Variants in KLF12 observed in about 807,000 individuals in gnomAD.
KLF12 encodes the protein Krueppel-like factor 12.
In KLF12, 9 loss-of-function variants were observed where a neutral mutation model predicts 37.8. That is an observed-to-expected ratio of 0.24 (90% CI 0.14 to 0.42). The LOEUF (loss-of-function observed/expected upper bound fraction) is 0.42, where lower values mean the gene tolerates loss of function less well. KLF12 is among the 10% of genes least tolerant of loss of function. KLF12 has a pLI of 1.00. For missense variants in KLF12, 411 were observed against 516.0 expected, an observed-to-expected ratio of 0.80 and a Z score of 1.97; for synonymous variants, 208 against 202.1, an observed-to-expected ratio of 1.03 and a Z score of -0.25.
At chr13:73,757,813 C>G (rs1879273513) in intron 6 of KLF12, among the ~76,000 whole-genome samples, 1 of 151,996 alleles carries the variant, frequency 6.6e-6, no homozygotes. Flanking sequence ...TTTTTTCAGC[C>G]CAAATATATC....
rs1189515577 is a variant in KLF12 at position 73,850,134 on chromosome 13, A to C, written c.124-3761T>G. Among the ~76,000 whole-genome samples the C allele has an allele frequency of 3.9e-5, 6 of 152,212 alleles. No individual in the cohort carries two copies. The East Asian group carries it at 1.2e-3, about 29-fold the overall frequency. On this transcript the variant is annotated intron_variant, in intron 3 of 7. Transcript: ENST00000377669. ...TGGAACAATATACTTCATTAAAAACAATGTGTGTGAAAACCTAAAGATAAA... is the reference window on the plus strand; with the variant it reads ...TGGAACAATATACTTCATTAAAAACCATGTGTGTGAAAACCTAAAGATAAA...
chr13:74,217,100 T>C, the KLF12 span, among the ~76,000 whole-genome samples: 2 of 152,188 alleles, frequency 1.3e-5, no homozygotes, highest in Admixed American at 1.3e-4. Flanking sequence ...AAAACTCAAA[T>C]CATAAATTTC....
chr13:74,238,807 T>G, the KLF12 span, among the ~76,000 whole-genome samples: 1 of 152,166 alleles, frequency 6.6e-6, no homozygotes, highest in Non-Finnish European at 1.5e-5. Flanking sequence ...CATTTTTTAT[T>G]GCGTCTACTT....
the KLF12 span, among the ~76,000 whole-genome samples, chr13:74,146,041 T>C: frequency 1.3e-5 from 2 of 152,244 alleles, no homozygotes; most frequent in African/African-American, 4.8e-5. Flanking sequence ...ACCTTGGAAT[T>C]TTGTCAAAGC....
At chr13:73,818,697 C>T (rs1000321209) in intron 4 of KLF12, among the ~76,000 whole-genome samples, 1 of 152,224 alleles carries the variant, frequency 6.6e-6, no homozygotes, top group African/African-American at 2.4e-5. Flanking sequence ...CTAACATTTC[C>T]TAACAGGAAT....
intron 5 of KLF12, among the ~76,000 whole-genome samples, chr13:73,808,300 A>G (rs1042434420): frequency 3.9e-5 from 6 of 152,074 alleles, no homozygotes; most frequent in African/African-American, 1.4e-4. Flanking sequence ...TACAATTGAA[A>G]TAGAAAAAAC....
chr13:73,986,672 G>C (rs559979384), intron 2 of KLF12, among the ~76,000 whole-genome samples: 47 of 152,266 alleles, frequency 3.1e-4, no homozygotes, highest in African/African-American at 1.1e-3. Flanking sequence ...GGATTATCTA[G>C]GATAGGCCAA....
At chr13:73,871,682 C>T (rs1886473812) in intron 3 of KLF12, among the ~76,000 whole-genome samples, 1 of 152,208 alleles carries the variant, frequency 6.6e-6, no homozygotes, top group African/African-American at 2.4e-5. Flanking sequence ...TCACACCCAA[C>T]TATTTCCTAA....
In KLF12 at chr13:74,133,759, A is replaced by T. The variant is rs575290850; in HGVS notation, c.-52T>A. Among the ~76,000 whole-genome samples, 34 of 151,282 alleles carry T rather than the reference A, an allele frequency of 2.2e-4. No individual in the cohort carries two copies. In the East Asian group the frequency reaches 6.6e-3, roughly 30 times the overall value. On this transcript the variant is annotated 5_prime_UTR_variant, in exon 1 of 8. Transcript: ENST00000377669. Reference sequence around the variant, plus strand: ...CAGACCTGAACAGAAGCTGCAGAGCAGGAGAAATTGTTTTCTTTCCCTCAC... The same window carrying T: ...CAGACCTGAACAGAAGCTGCAGAGCTGGAGAAATTGTTTTCTTTCCCTCAC...
chr13:74,283,967 C>A, the KLF12 span, among the ~76,000 whole-genome samples: 1 of 151,452 alleles, frequency 6.6e-6, no homozygotes, highest in Non-Finnish European at 1.5e-5. Context: ...TCATGCCATT[C>A]TCCTACCTCA....
chr13:74,153,662 T>C, the KLF12 span, among the ~76,000 whole-genome samples: 1 of 152,198 alleles, frequency 6.6e-6, no homozygotes, highest in Non-Finnish European at 1.5e-5. Context: ...CAGCCACTGT[T>C]AGTTAACAGC....
At chr13:73,996,783 C>A (rs1032553998) in intron 1 of KLF12, among the ~76,000 whole-genome samples, 1 of 152,122 alleles carries the variant, frequency 6.6e-6, no homozygotes, top group Admixed American at 6.5e-5. Context: ...GAAGGCAAGG[C>A]CTGCAAGCAG....
At chr13:74,217,071 T>G in the KLF12 span, among the ~76,000 whole-genome samples, 1 of 152,168 alleles carries the variant, frequency 6.6e-6, no homozygotes, top group Non-Finnish European at 1.5e-5. Context: ...TACACACATA[T>G]CTAGGGATTT....
At position 73,848,280 on chromosome 13, in the gene KLF12, G is replaced by C. The variant is rs558086973; in HGVS notation, c.124-1907C>G. ...GAAATGTTCTATAATGTAAATGAAAGTTGACTGGGTAGACAGACAATACAG... is the reference window on the plus strand; with the variant it reads ...GAAATGTTCTATAATGTAAATGAAACTTGACTGGGTAGACAGACAATACAG... On this transcript the variant is annotated intron_variant, in intron 3 of 7. Coordinates refer to ENST00000377669, the MANE Select transcript of KLF12 (RefSeq NM_007249.5). 2.0e-5 allele frequency among the ~76,000 whole-genome samples: 3 copies of C among 152,172 alleles called. No individual in the cohort carries two copies. In the South Asian group the frequency reaches 6.2e-4, roughly 32 times the overall value.
chr13:73,978,538 A>G (rs950096774), intron 2 of KLF12, among the ~76,000 whole-genome samples: 2 of 152,204 alleles, frequency 1.3e-5, no homozygotes, highest in African/African-American at 4.8e-5. Context: ...ACTTTGGAAG[A>G]CAGTTTGTTA....
intron 1 of KLF12, among the ~76,000 whole-genome samples, chr13:74,112,419 T>TGTG (rs1555272984): frequency 1.4e-5 from 2 of 147,430 alleles, no homozygotes; most frequent in African/African-American, 2.5e-5. Context: ...TGTGTGTGTG[T>TGTG]TTTGTTTTGA....
At chr13:74,135,609 C>T (rs942913547), upstream of KLF12, among the ~76,000 whole-genome samples, 2 of 151,148 alleles carry the variant, frequency 1.3e-5, no homozygotes, top group African/African-American at 2.4e-5. Context: ...GGGCGGGGCG[C>T]GCGGCGGACG....
intron 2 of KLF12, among the ~76,000 whole-genome samples, chr13:73,971,923 A>C (rs1004804127): frequency 2.6e-5 from 4 of 152,196 alleles, no homozygotes; most frequent in Non-Finnish European, 5.9e-5. Context: ...TCATAAGGTA[A>C]GGGCTTTAAA....
At chr13:74,029,863 T>C (rs1893070424) in intron 1 of KLF12, among the ~76,000 whole-genome samples, 5 of 152,024 alleles carry the variant, frequency 3.3e-5, no homozygotes, top group Admixed American at 3.3e-4. Flanking sequence ...TATAGTTAAG[T>C]GCATATCCAG....
Sources: allele counts gnomAD v4.1 joint callset (sites outside exome capture counted in the v4.1 genomes callset), GRCh38; gene constraint gnomAD v4.1.1; transcripts MANE v1.5; gene names NCBI Gene and HGNC (gene_info 2026-07-23, HGNC 2026-07-21).